Variants in UBASH3A observed in about 807,000 individuals in gnomAD.
UBASH3A encodes ubiquitin associated and SH3 domain containing A.
A neutral mutation model predicts 73.5 loss-of-function variants in UBASH3A; 63 were observed. The ratio of observed to expected loss-of-function variants is 0.86; its 90% CI spans 0.70 to 1.06. UBASH3A has a LOEUF of 1.06. Ranked by LOEUF, UBASH3A falls within the 50% of genes least tolerant of loss-of-function variation. The probability of loss-of-function intolerance (pLI) is 0.00; values close to 1 mark genes in which losing one functional copy is unlikely to be tolerated. For missense variants in UBASH3A, 860 were observed against 859.0 expected, an observed-to-expected ratio of 1.00 and a Z score of -0.02; for synonymous variants, 363 against 351.1, an observed-to-expected ratio of 1.03 and a Z score of -0.38.
At chr21:42,414,661 G>C (rs1353512609) in intron 5 of UBASH3A, among the ~76,000 whole-genome samples, 2 of 152,148 alleles carry the variant, frequency 1.3e-5, no homozygotes, top group African/African-American at 4.8e-5. Flanking sequence ...TGCCGACTGA[G>C]GCAGAGACTG....
intron 3 of UBASH3A, among the ~76,000 whole-genome samples, chr21:42,412,111 T>C (rs925883759): frequency 9.2e-5 from 14 of 152,206 alleles, no homozygotes; most frequent in East Asian, 5.8e-4. Flanking sequence ...TGTGGTCCGA[T>C]GTGGCCAATG....
At chr21:42,432,779 T>C (rs1252392872) in intron 9 of UBASH3A, among the ~76,000 whole-genome samples, 1 of 152,180 alleles carries the variant, frequency 6.6e-6, no homozygotes, top group African/African-American at 2.4e-5. Flanking sequence ...GGAAAACCAT[T>C]GGCAGATGAC....
Position 42,409,611 on chromosome 21 carries a change from G to A in UBASH3A, c.354+3G>A, listed in dbSNP as rs1457898071. Reference sequence around the variant, plus strand: ...TGACACTCTGTGACTTCTTCACGGTGAGTCAACCCAGTGTGCCTTCAATGC... The same window carrying A: ...TGACACTCTGTGACTTCTTCACGGTAAGTCAACCCAGTGTGCCTTCAATGC... On this transcript the variant is annotated splice_donor_region_variant and intron_variant, in intron 3 of 14. Transcript: ENST00000319294. The A allele has an allele frequency of 6.2e-7, 1 of 1,608,478 alleles. No individual in the cohort carries two copies. Among genetic ancestry groups the A allele is most frequent in the Admixed American group, 1.7e-5 (1 of 59,060 alleles).
intron 10 of UBASH3A, chr21:42,435,168 T>G: frequency 4.6e-6 from 2 of 434,650 alleles, no homozygotes; most frequent in Non-Finnish European, 8.0e-6. Context: ...GATCTAGGAA[T>G]GGATGATTCA....
At chr21:42,430,079 C>A (rs899222436) in intron 8 of UBASH3A, among the ~76,000 whole-genome samples, 2 of 152,164 alleles carry the variant, frequency 1.3e-5, no homozygotes, top group Non-Finnish European at 2.9e-5. Flanking sequence ...GTGGTGCTGA[C>A]CCCGAGAATG....
At chr21:42,432,807 G>T (rs934143512) in intron 9 of UBASH3A, among the ~76,000 whole-genome samples, 1 of 152,176 alleles carries the variant, frequency 6.6e-6, no homozygotes, top group African/African-American at 2.4e-5. Flanking sequence ...CACCAGAAAA[G>T]ATTCTGAGCA....
intron 14 of UBASH3A, among the ~76,000 whole-genome samples, chr21:42,445,971 C>T (rs374004414): frequency 7.2e-5 from 11 of 152,312 alleles, no homozygotes; most frequent in East Asian, 5.8e-4. Flanking sequence ...CCCACACATG[C>T]GCTCTGATGC....
chr21:42,445,762 G>A lies in UBASH3A; in HGVS notation c.1848+1119G>A, dbSNP rs2053833007. ...TTCCCCTGCAAAATGTCTCCAGGGT[G>A]GTGTGTCCCAATTATGATCCAGACA... On this transcript the variant is annotated intron_variant, in intron 14 of 14. Coordinates refer to ENST00000319294, the MANE Select transcript of UBASH3A (RefSeq NM_018961.4). 3.9e-5 allele frequency among the ~76,000 whole-genome samples: 6 copies of A among 152,276 alleles called. No homozygotes were observed. The South Asian group carries it at 1.0e-3, about 26-fold the overall frequency.
intron 7 of UBASH3A, among the ~76,000 whole-genome samples, chr21:42,419,569 G>T (rs1338748507): frequency 6.6e-6 from 1 of 152,124 alleles, no homozygotes; most frequent in Non-Finnish European, 1.5e-5. Flanking sequence ...TTCACCTTTA[G>T]CATCCCTATT....
chr21:42,437,561 G>A lies in UBASH3A; in HGVS notation c.1467G>A (p.Thr489=), dbSNP rs143016434. 2.5e-5 allele frequency: 41 copies of A among 1,614,100 alleles called. No homozygotes were observed. The South Asian group carries it at 3.2e-4, about 13-fold the overall frequency. Residue 489 remains threonine (T), a synonymous_variant, in exon 11 of 15, where the codon ACG becomes ACA. Transcript: ENST00000319294. The stretch of plus-strand genomic sequence containing the variant: ...CCCCAGCCCTCCGCTGTGTGCAGAC[G>A]GCCAAACTCATCCTGGAAGGTCAGT... ...FASPALRCVQ[T]AKLILEELKL...
chr21:42,431,332 CACAGG>C (rs1355461736), intron 8 of UBASH3A, among the ~76,000 whole-genome samples: 1 of 152,216 alleles, frequency 6.6e-6, no homozygotes, highest in Non-Finnish European at 1.5e-5. Flanking sequence ...TTCCCCAAAG[CACAGG>C]CTCCCCAGAA....
chr21:42,432,576 G>T (rs186788558), intron 9 of UBASH3A, among the ~76,000 whole-genome samples: 5 of 152,322 alleles, frequency 3.3e-5, no homozygotes, highest in Admixed American at 3.3e-4. Context: ...CTGTATTGAT[G>T]ATCAATGTCC....
At chr21:42,445,313 T>A (rs79128866) in intron 14 of UBASH3A, among the ~76,000 whole-genome samples, 2,263 of 152,328 alleles carry the variant, frequency 0.015, 66 homozygotes, top group African/African-American at 0.051. Flanking sequence ...ACCACAGTCC[T>A]GACCTTTTTA....
chr21:42,423,677 C>T (rs1172058501), intron 7 of UBASH3A, among the ~76,000 whole-genome samples: 1 of 152,230 alleles, frequency 6.6e-6, no homozygotes, highest in Non-Finnish European at 1.5e-5. Flanking sequence ...ATTAATACAT[C>T]AGACACCTGC....
intron 10 of UBASH3A, 104 bp from the exon 11 acceptor site, chr21:42,437,384 G>A (rs1212288110): frequency 1.0e-6 from 1 of 992,256 alleles, no homozygotes; most frequent in Non-Finnish European, 1.6e-6. Context: ...TGGAAACCCG[G>A]GGCCCTTTGA....
At position 42,404,058 on chromosome 21, in the gene UBASH3A, C is replaced by G; in HGVS notation, c.113C>G (p.Ala38Gly). The G allele has an allele frequency of 6.7e-7, 1 of 1,496,190 alleles. No individual in the cohort carries two copies. The allele number at this position is 1,496,190 out of a possible 1,614,324, so 92.7% of individuals were successfully genotyped here. A position where few individuals can be genotyped will look rare whatever the true frequency, so the allele number is the denominator to read the frequency against. Residue 38 changes from alanine to glycine, a missense_variant and splice_region_variant, in exon 1 of 15, where the codon GCG (alanine) becomes GGG (glycine). Ala to Gly is a moderately conservative substitution (Grantham distance 60). Coordinates refer to ENST00000319294, the MANE Select transcript of UBASH3A (RefSeq NM_018961.4). Reference protein sequence around the residue: ...LLAMGFPVHTALKALAATGRK... With the variant: ...LLAMGFPVHTGLKALAATGRK... ...GCCATGGGCTTCCCGGTGCACACCG[C>G]GTGAGTACTGCCCAGAGACCCCGGG... is the stretch of plus-strand genomic sequence containing the variant.
chr21:42,418,327 T>C, intron 6 of UBASH3A, 74 bp from the exon 7 acceptor site: 3 of 1,343,310 alleles, frequency 2.2e-6, no homozygotes, highest in East Asian at 2.3e-5. Context: ...TGGCAGGTGA[T>C]AGGCCTCCTA....
chr21:42,422,170 T>C (rs1463814172), intron 7 of UBASH3A, among the ~76,000 whole-genome samples: 1 of 152,198 alleles, frequency 6.6e-6, no homozygotes, highest in Non-Finnish European at 1.5e-5. Flanking sequence ...ACATTCCATA[T>C]CATCTTCTCT....
At chr21:42,404,308 G>C in intron 1 of UBASH3A, 1 of 334,790 alleles carries the variant, frequency 3.0e-6, no homozygotes, top group Non-Finnish European at 5.4e-6. Flanking sequence ...TCCCACCTCA[G>C]CCTCCTAAGG....
Sources: gnomAD v4.1 joint callset for allele counts (sites outside exome capture counted in the v4.1 genomes callset) on GRCh38, gnomAD v4.1.1 for gene constraint, MANE v1.5 for transcripts, NCBI Gene and HGNC (gene_info 2026-07-23, HGNC 2026-07-21) for gene names.